Variants in OR51B5 observed in about 807,000 individuals in gnomAD.
OR51B5 encodes olfactory receptor 51B5.
For missense variants in OR51B5, 456 were observed against 374.6 expected, an observed-to-expected ratio of 1.22 and a Z score of -1.79; for synonymous variants, 186 against 144.8, an observed-to-expected ratio of 1.28 and a Z score of -2.04.
rs374440582 is a variant in OR51B5 at position 5,464,795 on chromosome 11, T to C, written n.84+40774A>G. Among the ~76,000 whole-genome samples, 8 of 152,332 alleles carry C rather than the reference T, an allele frequency of 5.3e-5. No homozygotes were observed. The East Asian group carries it at 1.4e-3, about 26-fold the overall frequency. The stretch of plus-strand genomic sequence containing the variant: ...AGCAAGATTTATATTCCTTTGGGTA[T>C]ATACCCAGTAATGGGATGGCTGGGT... On this transcript the variant is annotated intron_variant and non_coding_transcript_variant, in intron 1 of 4. Transcript: ENST00000415970.
chr11:5,427,306 A>C (rs987246614), intron 1 of OR51B5, among the ~76,000 whole-genome samples: 1 of 152,250 alleles, frequency 6.6e-6, no homozygotes, highest in East Asian at 1.9e-4. Context: ...ACAGAGAATG[A>C]AAGTGAGGCG....
chr11:5,400,049 G>A (rs1044948186), intron 1 of OR51B5, among the ~76,000 whole-genome samples: 2 of 152,136 alleles, frequency 1.3e-5, no homozygotes. Context: ...TTGGAGGTGA[G>A]GAAGGAACAT....
chr11:5,444,670 G>A (rs1391585544), intron 1 of OR51B5, among the ~76,000 whole-genome samples: 1 of 152,156 alleles, frequency 6.6e-6, no homozygotes, highest in Non-Finnish European at 1.5e-5. Flanking sequence ...GCTGGCAGTG[G>A]CATCAGCTCA....
intron 1 of OR51B5, among the ~76,000 whole-genome samples, chr11:5,356,311 G>A (rs569691799): frequency 2.6e-5 from 4 of 151,948 alleles, no homozygotes; most frequent in Non-Finnish European, 4.4e-5. Flanking sequence ...ACCAAGGCAT[G>A]AGAACTACAT....
rs924316413 is a variant in OR51B5 at position 5,393,246 on chromosome 11, ATTG to A, written n.85-46339_85-46337del. On this transcript the variant is annotated intron_variant and non_coding_transcript_variant, in intron 1 of 4. Transcript: ENST00000415970. ...ATAAGTGAATATTATAATTTGTGTT[ATTG>A]TTCATAATTTTAAGAATGTAAGCAT... The A allele has an allele frequency of 8.5e-5, 13 of 152,308 alleles. No homozygotes were observed. In the East Asian group the frequency reaches 1.5e-3, roughly 18 times the overall value. The allele number at this position is 152,308 out of a possible 1,614,324, so 9.4% of individuals were successfully genotyped here.
At chr11:5,440,635 A>G in intron 1 of OR51B5, 2 of 1,613,898 alleles carry the variant, frequency 1.2e-6, no homozygotes, top group Non-Finnish European at 1.7e-6. Context: ...TTCACACTGT[A>G]GATGATAGGG....
At chr11:5,370,528 TTCTTACTTTCTG>T (rs1401606629) in intron 1 of OR51B5, among the ~76,000 whole-genome samples, 1 of 152,200 alleles carries the variant, frequency 6.6e-6, no homozygotes, top group Non-Finnish European at 1.5e-5. Context: ...CTTTCTTTCA[TTCTTACTTTCTG>T]TCTTTCTCCC....
chr11:5,398,534 C>T (rs1036718904), intron 1 of OR51B5, among the ~76,000 whole-genome samples: 1 of 152,172 alleles, frequency 6.6e-6, no homozygotes, highest in Admixed American at 6.5e-5. Flanking sequence ...GCTCAGAGGC[C>T]AGTTTCACTT....
At chr11:5,349,837 T>C (rs988804713) in intron 1 of OR51B5, among the ~76,000 whole-genome samples, 2 of 152,164 alleles carry the variant, frequency 1.3e-5, no homozygotes, top group Non-Finnish European at 2.9e-5. Context: ...ACGTTACTTT[T>C]AGCTATGTCA....
At chr11:5,342,146 G>A (rs1365926420), downstream of OR51B5, among the ~76,000 whole-genome samples, 1 of 151,992 alleles carries the variant, frequency 6.6e-6, no homozygotes, top group Non-Finnish European at 1.5e-5. Flanking sequence ...TTGTTTGTAT[G>A]GACACCTGCA....
exon 1 of OR51B5, chr11:5,343,349 A>T (rs1306103289): frequency 6.2e-7 from 1 of 1,612,948 alleles, no homozygotes; most frequent in African/African-American, 1.3e-5. Flanking sequence ...GGCCAGAAAG[A>T]AGTACATGGG....
intron 1 of OR51B5, among the ~76,000 whole-genome samples, chr11:5,477,725 C>G (rs1851335287): frequency 6.6e-6 from 1 of 152,166 alleles, no homozygotes; most frequent in Non-Finnish European, 1.5e-5. Flanking sequence ...AGGGAGTTCC[C>G]TTTCCGAGTC....
chr11:5,453,980 G>C, intron 1 of OR51B5: 1 of 1,613,990 alleles, frequency 6.2e-7, no homozygotes, highest in South Asian at 1.1e-5. Context: ...TTCTTATTAA[G>C]AGGCTGCCTA....
At chr11:5,379,977 C>A (rs1014549462) in intron 1 of OR51B5, among the ~76,000 whole-genome samples, 4 of 145,510 alleles carry the variant, frequency 2.7e-5, no homozygotes, top group Admixed American at 1.4e-4. Context: ...AATCATGAAC[C>A]AAACAAAACT....
intron 1 of OR51B5, chr11:5,392,155 G>T (rs2133731720): frequency 6.6e-6 from 1 of 152,334 alleles, no homozygotes; most frequent in Non-Finnish European, 1.5e-5. Context: ...GGTTTCTTGT[G>T]TATGTTTGTG....
chr11:5,454,233 C>T (rs1850913493), intron 1 of OR51B5: 1 of 1,614,240 alleles, frequency 6.2e-7, no homozygotes, highest in Non-Finnish European at 8.5e-7. Context: ...CCTGGCTGTA[C>T]TTGCATTTTA....
chr11:5,419,610 T>C (rs1173439918), intron 1 of OR51B5, among the ~76,000 whole-genome samples: 1 of 152,174 alleles, frequency 6.6e-6, no homozygotes, highest in Admixed American at 6.5e-5. Flanking sequence ...ATAGGCTACA[T>C]GCAAACACTA....
At chr11:5,441,608 T>C (rs909241231) in intron 1 of OR51B5, 8 of 950,160 alleles carry the variant, frequency 8.4e-6, no homozygotes, top group East Asian at 7.5e-5. Context: ...CAAAAGGTCA[T>C]AGATTGAAAA....
Position 5,343,193 on chromosome 11 carries a change from C to G in OR51B5, c.332G>C (p.Gly111Ala), listed in dbSNP as rs1589942099. Residue 111 changes from glycine to alanine, a missense_variant, in exon 1 of 1, where the codon GGC becomes GCC. Transcript: ENST00000300773. ...GTCATAGGCCATGGCAAGCAGAATG[C>G]CAGACTCGAGAAAGGAAAGTGAGTG... 1.2e-6 allele frequency: 2 copies of G among 1,613,680 alleles called. No homozygotes were observed. The highest frequency in any genetic ancestry group is 1.7e-5 in the Admixed American group (1 of 59,996).
Sources: allele counts gnomAD v4.1 joint callset (sites outside exome capture counted in the v4.1 genomes callset), GRCh38; gene constraint gnomAD v4.1.1; transcripts MANE v1.5; gene names NCBI Gene and HGNC (gene_info 2026-07-23, HGNC 2026-07-21).